The following RNLS variants were observed in gnomAD, a reference collection of about 807,000 sequenced individuals.
RNLS encodes the protein renalase.
A neutral mutation model predicts 39.8 loss-of-function variants in RNLS; 39 were observed. That is an observed-to-expected ratio of 0.98 (90% CI 0.76 to 1.28). The LOEUF is 1.28. RNLS is among the 50% of genes most tolerant of loss of function. The pLI, the probability that RNLS is intolerant of heterozygous loss-of-function variation, is 0.00. For missense variants in RNLS, 410 were observed against 413.3 expected, an observed-to-expected ratio of 0.99 and a Z score of 0.07; for synonymous variants, 147 against 150.7, an observed-to-expected ratio of 0.98 and a Z score of 0.18.
chr10:88,351,494 C>T (rs768129151), intron 5 of RNLS, among the ~76,000 whole-genome samples: 1 of 152,182 alleles, frequency 6.6e-6, no homozygotes, highest in Non-Finnish European at 1.5e-5. Context: ...GGAATCCTTT[C>T]CCCATTTCTT....
At chr10:88,372,826 C>T (rs1850672575) in intron 4 of RNLS, among the ~76,000 whole-genome samples, 1 of 152,088 alleles carries the variant, frequency 6.6e-6, no homozygotes, top group African/African-American at 2.4e-5. Flanking sequence ...GTTTTCTTTA[C>T]AGAACACATA....
chr10:88,238,640 T>C, the RNLS span, among the ~76,000 whole-genome samples: 1 of 152,218 alleles, frequency 6.6e-6, no homozygotes, highest in Admixed American at 6.5e-5. Context: ...TCCAGGCTCA[T>C]GGGAGCTGAA....
chr10:88,461,120 G>A (rs1163254534), intron 4 of RNLS, among the ~76,000 whole-genome samples: 1 of 152,130 alleles, frequency 6.6e-6, no homozygotes, highest in Non-Finnish European at 1.5e-5. Flanking sequence ...TTTCTCCACA[G>A]TGCCAATCTG....
At chr10:88,401,631 A>G (rs935111144) in intron 4 of RNLS, among the ~76,000 whole-genome samples, 2 of 152,056 alleles carry the variant, frequency 1.3e-5, no homozygotes, top group Admixed American at 6.6e-5. Flanking sequence ...ATGATGTCTT[A>G]TATCATCTTT....
chr10:88,448,409 T>C (rs545412407), intron 4 of RNLS, among the ~76,000 whole-genome samples: 3 of 152,248 alleles, frequency 2.0e-5, no homozygotes, highest in African/African-American at 7.2e-5. Context: ...ATGCTCATCA[T>C]CACTGGCCAT....
intron 4 of RNLS, among the ~76,000 whole-genome samples, chr10:88,388,650 CTG>C (rs1346848693): frequency 3.9e-5 from 6 of 152,198 alleles, no homozygotes; most frequent in Non-Finnish European, 8.8e-5. Flanking sequence ...CTCTCACAAG[CTG>C]TGTGAGAGTT....
chr10:88,178,092 C>T, the RNLS span, among the ~76,000 whole-genome samples: 1 of 152,092 alleles, frequency 6.6e-6, no homozygotes, highest in African/African-American at 2.4e-5. Flanking sequence ...GTTCTGTGGG[C>T]AGCCTTTCTG....
intron 4 of RNLS, among the ~76,000 whole-genome samples, chr10:88,459,676 TTGGAAGAGGACAAACAGTGTTCAC>T (rs1210779618): frequency 6.6e-6 from 1 of 152,112 alleles, no homozygotes; most frequent in African/African-American, 2.4e-5. Context: ...CTTCCACTGC[TTGGAAGAGGACAAACAGTGTTCAC>T]TGGCGACGGA....
chr10:88,320,383 A>G (rs1846090934), intron 5 of RNLS, among the ~76,000 whole-genome samples: 1 of 151,638 alleles, frequency 6.6e-6, no homozygotes, highest in African/African-American at 2.4e-5. Flanking sequence ...AAGCAATTAC[A>G]CAATTGAGAA....
intron 4 of RNLS, among the ~76,000 whole-genome samples, chr10:88,506,771 T>C (rs1845820280): frequency 6.6e-6 from 1 of 152,056 alleles, no homozygotes; most frequent in East Asian, 1.9e-4. Flanking sequence ...AGGGTGAGTA[T>C]TCTAAAAAAC....
intron 4 of RNLS, among the ~76,000 whole-genome samples, chr10:88,388,440 C>T (rs944106063): frequency 6.6e-6 from 1 of 152,196 alleles, no homozygotes; most frequent in Non-Finnish European, 1.5e-5. Context: ...CAAAATCCTT[C>T]CCAGGATCTG....
rs186559947 is a variant in RNLS at position 88,275,604 on chromosome 10, C to T, written c.877-572G>A. 2.8e-3 allele frequency among the ~76,000 whole-genome samples: 424 copies of T among 152,052 alleles called. 9 individuals are homozygous for T. The South Asian group carries it at 0.038, about 14-fold the overall frequency. ...ATCAACGAAATATATCTATGTATAT[C>T]GACATGGAAAAATACTAAAAATACA... is the stretch of plus-strand genomic sequence containing the variant. On this transcript the variant is annotated intron_variant, in intron 6 of 6. Transcript: ENST00000371947.
At chr10:88,522,179 T>C (rs1048318801) in intron 4 of RNLS, among the ~76,000 whole-genome samples, 1 of 152,098 alleles carries the variant, frequency 6.6e-6, no homozygotes, top group Non-Finnish European at 1.5e-5. Context: ...TCCAAAATAT[T>C]TGTCAATACA....
At chr10:88,499,738 C>G (rs182068812) in intron 4 of RNLS, among the ~76,000 whole-genome samples, 51 of 152,206 alleles carry the variant, frequency 3.4e-4, no homozygotes, top group African/African-American at 1.1e-3. Context: ...CCCTAGCCTA[C>G]CACCTGGGCA....
At chr10:88,558,107 A>T (rs1470395004) in intron 4 of RNLS, among the ~76,000 whole-genome samples, 2 of 152,186 alleles carry the variant, frequency 1.3e-5, no homozygotes, top group Non-Finnish European at 2.9e-5. Flanking sequence ...GAACAAAACT[A>T]TGAAAATATT....
At chr10:88,476,493 C>T (rs144101540) in intron 4 of RNLS, among the ~76,000 whole-genome samples, 23 of 152,078 alleles carry the variant, frequency 1.5e-4, no homozygotes, top group South Asian at 6.2e-4. Flanking sequence ...ATTATGAGGA[C>T]GGGGACAACA....
At chr10:88,258,536 C>T in the RNLS span, among the ~76,000 whole-genome samples, 1 of 152,294 alleles carries the variant, frequency 6.6e-6, no homozygotes, top group South Asian at 2.1e-4. Flanking sequence ...ATATGTGAGA[C>T]AATGCATATA....
chr10:88,465,404 G>T (rs1453801652), intron 4 of RNLS, among the ~76,000 whole-genome samples: 1 of 152,028 alleles, frequency 6.6e-6, no homozygotes, highest in Admixed American at 6.6e-5. Flanking sequence ...AAGATATATA[G>T]TCTCTGAACC....
At chr10:88,460,205 A>G (rs1430412034) in intron 4 of RNLS, among the ~76,000 whole-genome samples, 1 of 152,002 alleles carries the variant, frequency 6.6e-6, no homozygotes, top group Non-Finnish European at 1.5e-5. Flanking sequence ...CCCTCCATAA[A>G]ATCTCTTTAT....
Sources: allele counts gnomAD v4.1 joint callset (sites outside exome capture counted in the v4.1 genomes callset), GRCh38; gene constraint gnomAD v4.1.1; transcripts MANE v1.5; gene names NCBI Gene and HGNC (gene_info 2026-07-23, HGNC 2026-07-21).